Variants in BRIP1 observed in about 807,000 individuals in gnomAD.
BRIP1 encodes BRCA1 interacting DNA helicase 1.
A neutral mutation model predicts 119.7 loss-of-function variants in BRIP1; 88 were observed. The observed-to-expected ratio is 0.74, with a 90% CI of 0.62 to 0.88. The LOEUF (loss-of-function observed/expected upper bound fraction) is 0.88, where lower values mean the gene tolerates loss of function less well. BRIP1 is among the 40% of genes least tolerant of loss of function. The pLI, the probability that BRIP1 is intolerant of heterozygous loss-of-function variation, is 0.00. For synonymous variants in BRIP1, 443 were observed against 496.5 expected, an observed-to-expected ratio of 0.89 and a Z score of 1.43; for missense variants, 1,259 against 1,455.4, an observed-to-expected ratio of 0.87 and a Z score of 2.20.
chr17:61,763,858 T>G (rs1016187430), intron 14 of BRIP1, among the ~76,000 whole-genome samples: 2 of 152,136 alleles, frequency 1.3e-5, no homozygotes, highest in Admixed American at 6.6e-5. Context: ...TAAGCCATAT[T>G]AAAGAGATAA....
In BRIP1 at chr17:61,745,537, T is replaced by G. The variant is rs1287190620; in HGVS notation, c.2098-946A>C. Reference sequence around the variant, plus strand: ...GTGCATGCCACTACACCCAGCTAATTTTTATATTTTGTGTAGAGATGAGAT... The same window carrying G: ...GTGCATGCCACTACACCCAGCTAATGTTTATATTTTGTGTAGAGATGAGAT... On this transcript the variant is annotated intron_variant, in intron 14 of 19. Transcript: ENST00000259008. This position sits in a 1 kb window ranked among gnomAD's most constrained non-coding sequence, Gnocchi z 4.4. Among the ~76,000 whole-genome samples, 3 of 152,100 alleles carry G rather than the reference T, an allele frequency of 2.0e-5. No individual in the cohort carries two copies. Among genetic ancestry groups the G allele is most frequent in the Admixed American group, 2.0e-4 (3 of 15,278 alleles).
intron 10 of BRIP1, among the ~76,000 whole-genome samples, chr17:61,792,240 C>T (rs2077829802): frequency 1.3e-5 from 2 of 152,322 alleles, no homozygotes; most frequent in South Asian, 2.1e-4. Context: ...ACCACCATAC[C>T]CGGCAGTTAC....
chr17:61,698,778 G>T (rs548437986), intron 17 of BRIP1, among the ~76,000 whole-genome samples: 1 of 151,750 alleles, frequency 6.6e-6, no homozygotes, highest in Non-Finnish European at 1.5e-5. Context: ...GAAGTAGTGA[G>T]GTCATGGCTT....
chr17:61,694,157 A>G (rs1276520948), intron 17 of BRIP1, among the ~76,000 whole-genome samples: 1 of 152,168 alleles, frequency 6.6e-6, no homozygotes, highest in Non-Finnish European at 1.5e-5. Flanking sequence ...TATATTTACA[A>G]GGCTGTATAA....
intron 6 of BRIP1, among the ~76,000 whole-genome samples, chr17:61,821,606 T>G (rs1264013685): frequency 6.6e-6 from 1 of 152,088 alleles, no homozygotes. Context: ...CATAGTTCAC[T>G]GCAACGTTGA....
rs2076828624 is a variant in BRIP1, at chr17:61,730,385, A to G, written c.2379+12628T>C. 2.0e-5 allele frequency among the ~76,000 whole-genome samples: 3 copies of G among 152,226 alleles called. No homozygotes were observed. Among genetic ancestry groups the G allele is most frequent in the African/African-American group, 7.2e-5 (3 of 41,456 alleles). ...CTAAAATTCTCCTCAAAAGAAAAAAATTAGTTATTTTCAGAGAAGCTAAAA... is the reference window on the plus strand; with the variant it reads ...CTAAAATTCTCCTCAAAAGAAAAAAGTTAGTTATTTTCAGAGAAGCTAAAA... On this transcript the variant is annotated intron_variant, in intron 16 of 19. Coordinates refer to ENST00000259008, the MANE Select transcript of BRIP1 (RefSeq NM_032043.3). The surrounding 1 kb of genome is among the most constrained non-coding windows in gnomAD (Gnocchi z 4.3).
intron 6 of BRIP1, among the ~76,000 whole-genome samples, chr17:61,835,102 GT>G (rs2078552269): frequency 6.6e-6 from 1 of 152,076 alleles, no homozygotes; most frequent in South Asian, 2.1e-4. Context: ...CATTTTGGTG[GT>G]TCCCAAATTT....
At position 61,725,105 on chromosome 17, in the gene BRIP1, GAC is replaced by G. The variant is rs1468471652; in HGVS notation, c.2380-9044_2380-9043del. ...CATCTGGCATATTTTCAAGATTTCT[GAC>G]ACAGTTAACCAAATAGTGTGTGTGT... On this transcript the variant is annotated intron_variant, in intron 16 of 19. Coordinates refer to ENST00000259008, the MANE Select transcript of BRIP1 (RefSeq NM_032043.3). The surrounding 1 kb of genome is among the most constrained non-coding windows in gnomAD (Gnocchi z 5.3). Among the ~76,000 whole-genome samples the G allele has an allele frequency of 2.0e-5, 3 of 151,400 alleles. No individual in the cohort carries two copies. Among genetic ancestry groups the G allele is most frequent in the Non-Finnish European group, 4.4e-5 (3 of 67,922 alleles).
In BRIP1 at chr17:61,801,276, G is replaced by A. The variant is rs755992778; in HGVS notation, c.1117C>T (p.Leu373=). 2 of 1,613,536 alleles carry A rather than the reference G, an allele frequency of 1.2e-6. No homozygotes were observed. Among genetic ancestry groups the A allele is most frequent in the Admixed American group, 3.3e-5 (2 of 60,008 alleles). The change falls in exon 8 of 20, where the codon CTA becomes TTA. Residue 373 remains leucine (L), a synonymous_variant. Transcript: ENST00000259008. ...DIIFCPYNYL[L]DAQIRESMDL... is the part of the protein sequence containing the mutation. ...ACACTTTCCCTTATTTGTGCATCTA[G>A]AAGATAGTTGTAGGGACAAAATATG...
Position 61,799,141 on chromosome 17 carries a change from T to G in BRIP1, c.1299A>C (p.Lys433Asn). ...ACACAGCTCGTAGGGGTTCATGATCTTTCTTCCTTATATTATTGTTGACCA... is the reference window on the plus strand; with the variant it reads ...ACACAGCTCGTAGGGGTTCATGATCGTTCTTCCTTATATTATTGTTGACCA... ...DSMVNNNIRK[K>N]DHEPLRAVCC... The change falls in exon 9 of 20, where the codon AAA becomes AAC. Residue 433 changes from lysine (K) to asparagine (N), a missense_variant. Around this residue, in one of 3 missense-constraint regions of BRIP1, gnomAD observed 501 missense variants for 544.0 expected, o/e 0.92. Transcript: ENST00000259008. This position sits in a 1 kb window ranked among gnomAD's most constrained non-coding sequence, Gnocchi z 5.1. 1 of 1,613,688 alleles carries G rather than the reference T, an allele frequency of 6.2e-7. No individual in the cohort carries two copies. Among genetic ancestry groups the G allele is most frequent in the Non-Finnish European group, 8.5e-7 (1 of 1,179,670 alleles).
chr17:61,796,420 T>A lies in BRIP1; in HGVS notation c.1340+2680A>T, dbSNP rs1242758732. On this transcript the variant is annotated intron_variant, in intron 9 of 19. Coordinates refer to ENST00000259008, the MANE Select transcript of BRIP1 (RefSeq NM_032043.3). The surrounding 1 kb of genome is among the most constrained non-coding windows in gnomAD (Gnocchi z 4.8). ...ATTTAAGTCTTTAATCTATTTTGAT[T>A]TGATTTTTGTTAATGGTGAAAGATA... is the stretch of plus-strand genomic sequence containing the variant. Among the ~76,000 whole-genome samples the A allele has an allele frequency of 6.6e-6, 1 of 152,094 alleles. No individual in the cohort carries two copies. Among genetic ancestry groups the A allele is most frequent in the African/African-American group, 2.4e-5 (1 of 41,440 alleles).
At position 61,759,084 on chromosome 17, in the gene BRIP1, G is replaced by A. The variant is rs2077239449; in HGVS notation, c.2098-14493C>T. On this transcript the variant is annotated intron_variant, in intron 14 of 19. Transcript: ENST00000259008. This position sits in a 1 kb window ranked among gnomAD's most constrained non-coding sequence, Gnocchi z 4.9. ...TTACCTTTCAATACCTACCTTGAAT[G>A]TAAATGAATTACACTCTAGCAAAAA... is the stretch of plus-strand genomic sequence containing the variant. Among the ~76,000 whole-genome samples, 1 of 151,890 alleles carries A rather than the reference G, an allele frequency of 6.6e-6. No individual in the cohort carries two copies. Among genetic ancestry groups the A allele is most frequent in the South Asian group, 2.1e-4 (1 of 4,820 alleles).
chr17:61,826,820 T>A (rs1310054731), intron 6 of BRIP1, among the ~76,000 whole-genome samples: 1 of 148,278 alleles, frequency 6.7e-6, no homozygotes, highest in Non-Finnish European at 1.5e-5. Context: ...CTGGTAAGAA[T>A]GTAAATTAGT....
chr17:61,772,157 T>TTTTA, intron 14 of BRIP1, among the ~76,000 whole-genome samples: 1 of 76,866 alleles, frequency 1.3e-5, no homozygotes, highest in South Asian at 5.1e-4. Context: ...AAATGTGAGA[T>TTTTA]TATATATATA....
chr17:61,837,730 T>C (rs910503967), intron 6 of BRIP1, among the ~76,000 whole-genome samples: 1 of 152,112 alleles, frequency 6.6e-6, no homozygotes, highest in Non-Finnish European at 1.5e-5. Context: ...TAACTATATT[T>C]TGACCATGTG....
chr17:61,813,253 C>T (rs573244764), intron 6 of BRIP1, among the ~76,000 whole-genome samples: 1 of 150,362 alleles, frequency 6.7e-6, no homozygotes, highest in East Asian at 1.9e-4. Context: ...GTCAATGAAA[C>T]AGTAAAAAAA....
Position 61,793,637 on chromosome 17 carries a change from T to C in BRIP1, c.1433A>G (p.His478Arg), listed in dbSNP as rs45501097. Reference protein sequence around the residue: ...WSGNEMLLTLHKMGITTATFP... With the variant: ...WSGNEMLLTLRKMGITTATFP... ...AGTAGCAGTGGTGATACCCATTTTG[T>C]GTAAAGTTAAGAGCATTTCATTTCC... Residue 478 changes from histidine (H) to arginine (R), a missense_variant, in exon 10 of 20, where the codon CAC becomes CGC. Physicochemically the swap from His to Arg is conservative, Grantham distance 29. This residue lies in a region of BRIP1 where 753 missense variants were observed against 891.8 expected (regional missense o/e 0.84). Coordinates refer to ENST00000259008, the MANE Select transcript of BRIP1 (RefSeq NM_032043.3). This position sits in a 1 kb window ranked among gnomAD's most constrained non-coding sequence, Gnocchi z 5.2. 9.2e-4 allele frequency: 1,475 copies of C among 1,608,870 alleles called. 31 individuals carry two copies. In the South Asian group the frequency reaches 0.015, roughly 17 times the overall value.
At chr17:61,692,138 C>A (rs1331661147) in intron 18 of BRIP1, among the ~76,000 whole-genome samples, 3 of 152,232 alleles carry the variant, frequency 2.0e-5, no homozygotes, top group African/African-American at 7.2e-5. Context: ...TGTAGACTTT[C>A]TGAGGTCCTC....
Position 61,703,009 on chromosome 17 carries a change from C to T in BRIP1, c.2493-9497G>A, listed in dbSNP as rs1031682026. 1.4e-5 allele frequency among the ~76,000 whole-genome samples: 2 copies of T among 147,108 alleles called. No individual in the cohort carries two copies. Among genetic ancestry groups the T allele is most frequent in the African/African-American group, 5.1e-5 (2 of 39,494 alleles). On this transcript the variant is annotated intron_variant, in intron 17 of 19. Coordinates refer to ENST00000259008, the MANE Select transcript of BRIP1 (RefSeq NM_032043.3). This position sits in a 1 kb window ranked among gnomAD's most constrained non-coding sequence, Gnocchi z 5.0. ...TTTTTTTTGACTTTTTAACGATAGC[C>T]ATTCTGACTAGTGCGAGATGTTATC...
Sources: allele counts gnomAD v4.1 joint callset (sites outside exome capture counted in the v4.1 genomes callset), GRCh38; gene constraint gnomAD v4.1.1; regional missense constraint gnomAD v4.1.1; non-coding constraint Gnocchi (gnomAD v3.1); transcripts MANE v1.5; gene names NCBI Gene and HGNC (gene_info 2026-07-23, HGNC 2026-07-21).